FCHSD2: variants seen among roughly 807,000 people sequenced by gnomAD.
FCHSD2 encodes FCH and double SH3 domains 2.
In FCHSD2, 38 loss-of-function variants were observed where a neutral mutation model predicts 108.1. That is an observed-to-expected ratio of 0.35 (90% CI 0.27 to 0.46). FCHSD2 has a LOEUF of 0.46. FCHSD2 is among the 20% of genes least tolerant of loss of function. The probability of loss-of-function intolerance (pLI) is 1.00; values close to 1 mark genes in which losing one functional copy is unlikely to be tolerated. For synonymous variants in FCHSD2, 279 were observed against 314.7 expected, an observed-to-expected ratio of 0.89 and a Z score of 1.20; for missense variants, 751 against 897.8, an observed-to-expected ratio of 0.84 and a Z score of 2.09.
At chr11:73,058,037 GC>G (rs1859070750) in intron 3 of FCHSD2, among the ~76,000 whole-genome samples, 1 of 152,014 alleles carries the variant, frequency 6.6e-6, no homozygotes, top group African/African-American at 2.4e-5. Context: ...CCACGACCAC[GC>G]CTGGCTAATT....
Position 72,957,045 on chromosome 11 carries a change from T to A in FCHSD2, c.705+27043A>T, listed in dbSNP as rs552951628. On this transcript the variant is annotated intron_variant, in intron 8 of 19. Transcript: ENST00000409418. ...TTTTTTTTTTTTTCTTCTTTTTTTT[T>A]ATTATACTTTAAGTTTTAGGGTACA... Among the ~76,000 whole-genome samples the A allele has an allele frequency of 4.3e-4, 65 of 151,760 alleles. 1 individual carries two copies. The highest frequency in any genetic ancestry group is 1.8e-3 in the Admixed American group (27 of 15,240).
Position 72,841,478 on chromosome 11 carries a change from A to C in FCHSD2, c.2032T>G (p.Phe678Val). 6.2e-7 allele frequency: 1 copy of C among 1,611,062 alleles called. No homozygotes were observed. Among genetic ancestry groups the C allele is most frequent in the Non-Finnish European group, 8.5e-7 (1 of 1,178,750 alleles). The change falls in exon 18 of 20, where the codon TTT becomes GTT. Residue 678 changes from phenylalanine to valine, a missense_variant. Coordinates refer to ENST00000409418, the MANE Select transcript of FCHSD2 (RefSeq NM_014824.3). Reference sequence around the variant, plus strand: ...CCGTTTGCTGAAGGAGACCGGGGAAAGTACAGGGAGCTCCTCTTATCTGGG... The same window carrying C: ...CCGTTTGCTGAAGGAGACCGGGGAACGTACAGGGAGCTCCTCTTATCTGGG... ...PSPDKRSSLY[F>V]PRSPSANEKS...
rs76821975 is a variant in FCHSD2 at position 72,951,893 on chromosome 11, A to C, written c.706-29943T>G. 6.6e-3 allele frequency among the ~76,000 whole-genome samples: 1,000 copies of C among 152,284 alleles called. 8 individuals are homozygous for C. The highest frequency in any genetic ancestry group is 0.023 in the African/African-American group (948 of 41,538). The stretch of plus-strand genomic sequence containing the variant: ...AGCAGAGAAAGTCCTTACTCCCATA[A>C]AACTTAGGGAAAATCCTATTTGACA... On this transcript the variant is annotated intron_variant, in intron 8 of 19. Coordinates refer to ENST00000409418, the MANE Select transcript of FCHSD2 (RefSeq NM_014824.3).
chr11:73,041,170 G>C (rs1858628186), intron 3 of FCHSD2, among the ~76,000 whole-genome samples: 1 of 152,162 alleles, frequency 6.6e-6, no homozygotes, highest in Admixed American at 6.5e-5. Flanking sequence ...TGGCTACTAT[G>C]AATAGTGCTG....
chr11:72,843,359 TACACACACAATTTAG>T, intron 15 of FCHSD2, 31 bp from the exon 16 acceptor site: 3 of 1,584,366 alleles, frequency 1.9e-6, no homozygotes, highest in Non-Finnish European at 1.7e-6. Flanking sequence ...AAAACAAGTT[TACACACACAATTTAG>T]ACAGGGCACA....
chr11:72,862,018 C>T (rs1210871938), intron 13 of FCHSD2, among the ~76,000 whole-genome samples: 5 of 151,532 alleles, frequency 3.3e-5, no homozygotes, highest in Non-Finnish European at 7.4e-5. Context: ...GAATAATCAT[C>T]AATGCAATTA....
At chr11:73,012,014 T>A (rs751960244) in intron 4 of FCHSD2, among the ~76,000 whole-genome samples, 14 of 152,202 alleles carry the variant, frequency 9.2e-5, no homozygotes, top group Non-Finnish European at 1.6e-4. Context: ...GATCCAGCAT[T>A]TCTCCCTCTA....
rs142197813 is a variant in FCHSD2, at chr11:72,854,280, A to G, written c.1309-4391T>C. ...GACTTGAACAGATATTTGTAAACAA[A>G]TGTTCACAGCCACATTATTCACAAA... On this transcript the variant is annotated intron_variant, in intron 13 of 19. Transcript: ENST00000409418. Among the ~76,000 whole-genome samples the G allele has an allele frequency of 1.6e-4, 25 of 152,380 alleles. No individual in the cohort carries two copies. The East Asian group carries it at 4.4e-3, about 27-fold the overall frequency.
intron 8 of FCHSD2, among the ~76,000 whole-genome samples, chr11:72,934,059 T>C (rs1373563402): frequency 7.8e-6 from 1 of 128,240 alleles, no homozygotes; most frequent in African/African-American, 3.0e-5. Context: ...CAGTGAGCCA[T>C]GATCGCGCCA....
At chr11:72,980,726 A>G (rs1175370671) in intron 8 of FCHSD2, among the ~76,000 whole-genome samples, 1 of 150,042 alleles carries the variant, frequency 6.7e-6, no homozygotes, top group East Asian at 1.9e-4. Context: ...ATGTATGTGT[A>G]TATATATGTA....
Position 72,840,951 on chromosome 11 carries a change from G to A in FCHSD2, c.2065C>T (p.Leu689Phe), listed in dbSNP as rs759802802. The change falls in exon 19 of 20, where the codon CTT becomes TTT. Residue 689 changes from leucine to phenylalanine, a missense_variant. Leu to Phe is a conservative substitution (Grantham distance 22, BLOSUM62 0). Transcript: ENST00000409418. ...PRSPSANEKS[L>F]HAESPGFSQA... ...GAGAATCCTGGTGACTCAGCATGAA[G>A]GCTTTTTTCTAAGGGAGAAAACCAA... is the stretch of plus-strand genomic sequence containing the variant. The A allele has an allele frequency of 1.2e-6, 2 of 1,612,396 alleles. No individual in the cohort carries two copies. The highest frequency in any genetic ancestry group is 2.2e-5 in the East Asian group (1 of 44,872).
chr11:73,054,626 G>A (rs1858979810), intron 3 of FCHSD2, among the ~76,000 whole-genome samples: 1 of 151,690 alleles, frequency 6.6e-6, no homozygotes, highest in African/African-American at 2.4e-5. Flanking sequence ...GGATGGAGGT[G>A]GGGGAAACAA....
intron 3 of FCHSD2, among the ~76,000 whole-genome samples, chr11:73,036,771 T>C (rs1044592806): frequency 6.6e-6 from 1 of 152,180 alleles, no homozygotes; most frequent in African/African-American, 2.4e-5. Flanking sequence ...CCTCAAGAAG[T>C]CTTCCTCCAC....
At chr11:72,922,439 T>A (rs1855993071) in intron 8 of FCHSD2, among the ~76,000 whole-genome samples, 1 of 151,970 alleles carries the variant, frequency 6.6e-6, no homozygotes, top group Admixed American at 6.6e-5. Context: ...GAAAAGTGAC[T>A]CAGAGATACT....
intron 10 of FCHSD2, among the ~76,000 whole-genome samples, chr11:72,890,457 C>G (rs1328234546): frequency 6.6e-6 from 1 of 152,166 alleles, no homozygotes; most frequent in East Asian, 1.9e-4. Context: ...AGAGGTCCAC[C>G]ATCAACTTGC....
intron 9 of FCHSD2, among the ~76,000 whole-genome samples, chr11:72,920,203 G>A (rs1265708744): frequency 6.6e-6 from 1 of 152,152 alleles, no homozygotes; most frequent in Non-Finnish European, 1.5e-5. Flanking sequence ...TCTTGGCAAA[G>A]ATTAATAAAA....
chr11:72,839,343 A>G (rs931253928), intron 19 of FCHSD2, among the ~76,000 whole-genome samples: 39 of 152,344 alleles, frequency 2.6e-4, no homozygotes, highest in African/African-American at 9.1e-4. Flanking sequence ...TTCTGTAGGC[A>G]AAAGAGGAGT....
intron 2 of FCHSD2, among the ~76,000 whole-genome samples, chr11:73,134,620 C>T (rs1861079781): frequency 6.6e-6 from 1 of 152,224 alleles, no homozygotes; most frequent in Non-Finnish European, 1.5e-5. Flanking sequence ...AAAGGCAGGA[C>T]AGGTGCTTCT....
At chr11:72,912,416 C>T (rs748040988) in intron 9 of FCHSD2, among the ~76,000 whole-genome samples, 1 of 152,008 alleles carries the variant, frequency 6.6e-6, no homozygotes. Context: ...TAGTTTTTGC[C>T]CTTCACACAG....
Sources: gnomAD v4.1 joint callset for allele counts (sites outside exome capture counted in the v4.1 genomes callset) on GRCh38, gnomAD v4.1.1 for gene constraint, MANE v1.5 for transcripts, NCBI Gene and HGNC (gene_info 2026-07-23, HGNC 2026-07-21) for gene names.